ZNF74: variants seen among roughly 807,000 people sequenced by gnomAD.
ZNF74 encodes the protein zinc finger protein 520.
Under a neutral mutation model 17.7 loss-of-function variants are expected in ZNF74, and 12 were observed. The ratio of observed to expected loss-of-function variants is 0.68; its 90% CI spans 0.43 to 1.10. The LOEUF is 1.10. Among genes scored for constraint, ZNF74 ranks in the 50% least tolerant of loss-of-function variants. ZNF74 has a pLI of 0.00. For missense variants in ZNF74, 811 were observed against 881.0 expected, an observed-to-expected ratio of 0.92 and a Z score of 1.01; for synonymous variants, 358 against 362.1, an observed-to-expected ratio of 0.99 and a Z score of 0.13.
In ZNF74 at chr22:20,407,299, G is replaced by A. The variant is rs968114477; in HGVS notation, c.*331G>A. 10 of 306,024 alleles carry A rather than the reference G, an allele frequency of 3.3e-5. No individual in the cohort carries two copies. Among genetic ancestry groups the A allele is most frequent in the Non-Finnish European group, 5.6e-5 (9 of 161,770 alleles). 19.0% of individuals were successfully genotyped at this position (306,024 alleles called of 1,614,324 possible). A position where few individuals can be genotyped will look rare whatever the true frequency, so the allele number is the denominator to read the frequency against. On this transcript the variant is annotated 3_prime_UTR_variant, in exon 5 of 5. Coordinates refer to ENST00000400451, the MANE Select transcript of ZNF74 (RefSeq NM_003426.4). ...TCGTTGGGTGCCATGGCTCACACCTGTAATCTTAACACTGTGGGAGGCCAA... is the reference window on the plus strand; with the variant it reads ...TCGTTGGGTGCCATGGCTCACACCTATAATCTTAACACTGTGGGAGGCCAA...
intron 1 of ZNF74, chr22:20,394,910 G>T: frequency 1.9e-6 from 1 of 535,028 alleles, no homozygotes; most frequent in Non-Finnish European, 3.3e-6. Flanking sequence ...GCAGGCGCGC[G>T]CCACCACGCC....
At position 20,406,508 on chromosome 22, in the gene ZNF74, G is replaced by T. The variant is rs199814477; in HGVS notation, c.1475G>T (p.Arg492Leu). The T allele has an allele frequency of 1.9e-5, 31 of 1,613,858 alleles. No individual in the cohort carries two copies. The highest frequency in any genetic ancestry group is 2.4e-5 in the Non-Finnish European group (28 of 1,179,944). The change falls in exon 5 of 5, where the codon CGC (arginine) becomes CTC (leucine). Residue 492 changes from arginine to leucine, a missense_variant. By Grantham distance (102) the Arg-to-Leu change is moderately radical. Around this residue, in one of 3 missense-constraint regions of ZNF74, gnomAD observed 666 missense variants for 702.3 expected, o/e 0.95. Coordinates refer to ENST00000400451, the MANE Select transcript of ZNF74 (RefSeq NM_003426.4). ...CACGCCTACCTCATCGTGCACCGGC[G>T]CATCCACACAGGCGAGAAGCCCTTC... is the stretch of plus-strand genomic sequence containing the variant. ...SSHAYLIVHR[R>L]IHTGEKPFDC...
intron 1 of ZNF74, chr22:20,395,105 T>G (rs1427770953): frequency 6.2e-6 from 3 of 483,608 alleles, no homozygotes; most frequent in Non-Finnish European, 1.1e-5. Flanking sequence ...CAGACGTGCT[T>G]GATTGGGGGT....
rs1001931654 is a variant in ZNF74, at chr22:20,394,214, C to G, written c.-415C>G. On this transcript the variant is annotated 5_prime_UTR_variant, in exon 1 of 5. Coordinates refer to ENST00000400451, the MANE Select transcript of ZNF74 (RefSeq NM_003426.4). ...CTTTTGTGGGAGTCCGGTCTGTCCA[C>G]TTGCCGGTCCCTCAGACCGTCGGCG... is the stretch of plus-strand genomic sequence containing the variant. 1 of 695,050 alleles carries G rather than the reference C, an allele frequency of 1.4e-6. No homozygotes were observed. The highest frequency in any genetic ancestry group is 2.6e-6 in the Non-Finnish European group (1 of 377,706). 43.1% of individuals were successfully genotyped at this position (695,050 alleles called of 1,614,324 possible). A position where few individuals can be genotyped will look rare whatever the true frequency, so the allele number is the denominator to read the frequency against.
At chr22:20,399,074 T>C (rs1250441513) in intron 2 of ZNF74, among the ~76,000 whole-genome samples, 1 of 152,246 alleles carries the variant, frequency 6.6e-6, no homozygotes, top group Non-Finnish European at 1.5e-5. Flanking sequence ...CCAAGATTTA[T>C]TTTATTTCCC....
rs1216705842 is a variant in ZNF74 at position 20,400,697 on chromosome 22, C to T, written c.186C>T (p.Ser62=). The change falls in exon 3 of 5, where the codon TCC becomes TCT. Residue 62 remains serine (S), a synonymous_variant. Transcript: ENST00000400451. Reference sequence around the variant, plus strand: ...AGGAGGAGTGGGGTCAACTAGACTCCCCTCAGAGGGCCTTGTACCGGGATG... The same window carrying T: ...AGGAGGAGTGGGGTCAACTAGACTCTCCTCAGAGGGCCTTGTACCGGGATG... ...FTQEEWGQLD[S]PQRALYRDVM... The T allele has an allele frequency of 6.2e-7, 1 of 1,614,000 alleles. No individual in the cohort carries two copies.
In ZNF74 at chr22:20,401,490, C is replaced by T; in HGVS notation, c.343+118C>T. 1 of 675,096 alleles carries T rather than the reference C, an allele frequency of 1.5e-6. No homozygotes were observed. Among genetic ancestry groups the T allele is most frequent in the Non-Finnish European group, 2.6e-6 (1 of 379,388 alleles). The allele number at this position is 675,096 out of a possible 1,614,324, so 41.8% of individuals were successfully genotyped here. ...GGCTCCATCTCCCCTTTTCAGGTCC[C>T]CCGCCAGACCCTCCTGCCTGCCTCC... On this transcript the variant is annotated intron_variant, in intron 4 of 4. Transcript: ENST00000400451. The surrounding 1 kb of genome is among the most constrained non-coding windows in gnomAD (Gnocchi z 4.2).
Position 20,408,308 on chromosome 22 carries a change from C to T in ZNF74, c.*1340C>T, listed in dbSNP as rs1277353656. On this transcript the variant is annotated 3_prime_UTR_variant, in exon 5 of 5. Coordinates refer to ENST00000400451, the MANE Select transcript of ZNF74 (RefSeq NM_003426.4). Reference sequence around the variant, plus strand: ...AAGAATAAGCTGCCCTCTTGGTGATCATACTTTATACGGAGTGCTATCGTT... The same window carrying T: ...AAGAATAAGCTGCCCTCTTGGTGATTATACTTTATACGGAGTGCTATCGTT... The T allele has an allele frequency of 2.6e-5, 4 of 152,170 alleles. No individual in the cohort carries two copies. The highest frequency in any genetic ancestry group is 2.0e-4 in the Admixed American group (3 of 15,288). The allele number at this position is 152,170 out of a possible 1,614,324, so 9.4% of individuals were successfully genotyped here. A position where few individuals can be genotyped will look rare whatever the true frequency, so the allele number is the denominator to read the frequency against.
chr22:20,395,897 G>T (rs1338371219), intron 2 of ZNF74, among the ~76,000 whole-genome samples: 1 of 152,138 alleles, frequency 6.6e-6, no homozygotes, highest in Non-Finnish European at 1.5e-5. Flanking sequence ...ATCCCTGTGT[G>T]CTTTCCTCTG....
chr22:20,406,028 A>G lies in ZNF74; in HGVS notation c.995A>G (p.Tyr332Cys). 3 of 1,610,914 alleles carry G rather than the reference A, an allele frequency of 1.9e-6. No homozygotes were observed. Among genetic ancestry groups the G allele is most frequent in the Non-Finnish European group, 2.5e-6 (3 of 1,179,050 alleles). The change falls in exon 5 of 5, where the codon TAC (tyrosine) becomes TGC (cysteine). Residue 332 changes from tyrosine (Y) to cysteine (C), a missense_variant. Physicochemically the swap from Tyr to Cys is radical, Grantham distance 194. Around this residue, in one of 3 missense-constraint regions of ZNF74, gnomAD observed 666 missense variants for 702.3 expected, o/e 0.95. Coordinates refer to ENST00000400451, the MANE Select transcript of ZNF74 (RefSeq NM_003426.4). ...CGCATCCACACGGGCGAGCGGCCCT[A>G]CAAGTGCAGCGCCTGCGAGAAGGCC... ...HQRIHTGERPYKCSACEKAFS... is the reference protein window; with the variant it reads ...HQRIHTGERPCKCSACEKAFS...
In ZNF74 at chr22:20,405,784, G is replaced by C. The variant is rs200346419; in HGVS notation, c.751G>C (p.Gly251Arg). 6.2e-6 allele frequency: 10 copies of C among 1,610,690 alleles called. No individual in the cohort carries two copies. Among genetic ancestry groups the C allele is most frequent in the Non-Finnish European group, 8.5e-6 (10 of 1,178,956 alleles). ...CGCCGGGGAGGGCGAGTTCGTGTGC[G>C]GCGAGTGCGGGAAGGCGTTCCGCCA... ...AGAGEGEFVC[G>R]ECGKAFRQSS... is the part of the protein sequence containing the mutation. Residue 251 changes from glycine to arginine, a missense_variant, in exon 5 of 5, where the codon GGC (glycine) becomes CGC (arginine). Gly to Arg is a moderately radical substitution (Grantham distance 125). Around this residue, in one of 3 missense-constraint regions of ZNF74, gnomAD observed 666 missense variants for 702.3 expected, o/e 0.95. Coordinates refer to ENST00000400451, the MANE Select transcript of ZNF74 (RefSeq NM_003426.4).
In ZNF74 at chr22:20,406,129, G is replaced by A. The variant is rs969842263; in HGVS notation, c.1096G>A (p.Gly366Ser). The A allele has an allele frequency of 3.7e-6, 6 of 1,613,506 alleles. No homozygotes were observed. Among genetic ancestry groups the A allele is most frequent in the African/African-American group, 1.3e-5 (1 of 74,878 alleles). The change falls in exon 5 of 5, where the codon GGC becomes AGC. Residue 366 changes from glycine (G) to serine (S), a missense_variant. Physicochemically the swap from Gly to Ser is moderately conservative, Grantham distance 56. This residue lies in a region of ZNF74 where 666 missense variants were observed against 702.3 expected (regional missense o/e 0.95). Coordinates refer to ENST00000400451, the MANE Select transcript of ZNF74 (RefSeq NM_003426.4). ...GEKPYRCGEC[G>S]KAFNQRTHLT... The stretch of plus-strand genomic sequence containing the variant: ...GAAGCCCTACCGGTGCGGCGAGTGC[G>A]GCAAGGCCTTCAACCAGCGTACACA...
intron 2 of ZNF74, 36 bp from the exon 3 acceptor site, chr22:20,400,596 A>G: frequency 6.2e-7 from 1 of 1,613,734 alleles, no homozygotes; most frequent in Non-Finnish European, 8.5e-7. Context: ...ATGGACACAG[A>G]ATCAGTCCTG....
chr22:20,407,784 C>T lies in ZNF74; in HGVS notation c.*816C>T, dbSNP rs2052449197. ...TCCTGGACTTAACTCATGTAAATAG[C>T]TCTACTGCAGAGCTGTGTGTTTAGT... On this transcript the variant is annotated 3_prime_UTR_variant, in exon 5 of 5. Coordinates refer to ENST00000400451, the MANE Select transcript of ZNF74 (RefSeq NM_003426.4). The T allele has an allele frequency of 6.6e-6, 1 of 152,224 alleles. No homozygotes were observed. The highest frequency in any genetic ancestry group is 2.4e-5 in the African/African-American group (1 of 41,450). The allele number at this position is 152,224 out of a possible 1,614,324, so 9.4% of individuals were successfully genotyped here.
In ZNF74 at chr22:20,394,670, T is replaced by A; in HGVS notation, c.34+8T>A. The A allele has an allele frequency of 6.2e-7, 1 of 1,613,980 alleles. No individual in the cohort carries two copies. The highest frequency in any genetic ancestry group is 1.3e-5 in the African/African-American group (1 of 75,020). ...CGGAGCCCGAGAAGACAGGTACAGCTTCACTCTTGTAGTCAGTATGTCTGT... is the reference window on the plus strand; with the variant it reads ...CGGAGCCCGAGAAGACAGGTACAGCATCACTCTTGTAGTCAGTATGTCTGT... On this transcript the variant is annotated splice_region_variant and intron_variant, in intron 1 of 4. Transcript: ENST00000400451.
rs549722387 is a variant in ZNF74 at position 20,406,799 on chromosome 22, A to G, written c.1766A>G (p.Asn589Ser). 1.1e-5 allele frequency: 17 copies of G among 1,613,988 alleles called. No homozygotes were observed. The highest frequency in any genetic ancestry group is 1.4e-5 in the Non-Finnish European group (17 of 1,180,036). The change falls in exon 5 of 5, where the codon AAC (asparagine) becomes AGC (serine). Residue 589 changes from asparagine to serine, a missense_variant. Physicochemically the swap from Asn to Ser is conservative, Grantham distance 46. Coordinates refer to ENST00000400451, the MANE Select transcript of ZNF74 (RefSeq NM_003426.4). Reference sequence around the variant, plus strand: ...GGGAAGCCCTTGGCCATCCAGTTCAACAAACACCTGCTCAGCACATACTAC... The same window carrying G: ...GGGAAGCCCTTGGCCATCCAGTTCAGCAAACACCTGCTCAGCACATACTAC... The part of the protein sequence containing the change: ...SEGKPLAIQF[N>S]KHLLSTYYVP...
intron 4 of ZNF74, among the ~76,000 whole-genome samples, chr22:20,404,635 A>G (rs1304887399): frequency 6.6e-6 from 1 of 152,044 alleles, no homozygotes; most frequent in Non-Finnish European, 1.5e-5. Context: ...TAGCTTTTTG[A>G]CAAGCAGGAA....
intron 4 of ZNF74, 128 bp from the exon 5 acceptor site, chr22:20,405,249 C>T: frequency 9.9e-7 from 1 of 1,014,312 alleles, no homozygotes; most frequent in African/African-American, 1.6e-5. Context: ...CCTGCACCTT[C>T]CAGCCTTGGC....
rs771938367 is a variant in ZNF74 at position 20,401,806 on chromosome 22, G to A, written c.343+434G>A. ...AGCCAGCATCAGTGTCAGGGCCAGCGTGAGCATCAGCATCAGGGCCAGTGT... is the reference window on the plus strand; with the variant it reads ...AGCCAGCATCAGTGTCAGGGCCAGCATGAGCATCAGCATCAGGGCCAGTGT... On this transcript the variant is annotated intron_variant, in intron 4 of 4. Coordinates refer to ENST00000400451, the MANE Select transcript of ZNF74 (RefSeq NM_003426.4). This position sits in a 1 kb window ranked among gnomAD's most constrained non-coding sequence, Gnocchi z 4.2. Among the ~76,000 whole-genome samples the A allele has an allele frequency of 2.6e-5, 4 of 152,036 alleles. No individual in the cohort carries two copies. The highest frequency in any genetic ancestry group is 1.9e-4 in the East Asian group (1 of 5,170).
Sources: gnomAD v4.1 joint callset for allele counts (sites outside exome capture counted in the v4.1 genomes callset) on GRCh38, gnomAD v4.1.1 for gene constraint, gnomAD v4.1.1 regional missense constraint, Gnocchi (gnomAD v3.1) non-coding constraint, MANE v1.5 for transcripts, NCBI Gene and HGNC (gene_info 2026-07-23, HGNC 2026-07-21) for gene names.